Variants in DDHD1 observed in about 807,000 individuals in gnomAD.
DDHD1 encodes phospholipase DDHD1.
In DDHD1, 49 loss-of-function variants were observed where a neutral mutation model predicts 96.4. The observed-to-expected ratio is 0.51, with a 90% CI of 0.40 to 0.64. The LOEUF is 0.64. Among genes scored for constraint, DDHD1 ranks in the 30% least tolerant of loss-of-function variants. The pLI is 0.00. For missense variants in DDHD1, 1,106 were observed against 1,161.2 expected, an observed-to-expected ratio of 0.95 and a Z score of 0.69; for synonymous variants, 442 against 446.5, an observed-to-expected ratio of 0.99 and a Z score of 0.13.
intron 1 of DDHD1, among the ~76,000 whole-genome samples, chr14:53,112,086 T>C (rs971408318): frequency 6.6e-6 from 1 of 152,198 alleles, no homozygotes; most frequent in Non-Finnish European, 1.5e-5. Context: ...GTCAACTTTG[T>C]CTACTGCTAA....
chr14:53,085,312 T>C (rs148003468), intron 4 of DDHD1, among the ~76,000 whole-genome samples: 1 of 152,282 alleles, frequency 6.6e-6, no homozygotes, highest in African/African-American at 2.4e-5. Context: ...AATGGACAGA[T>C]TGCCTCCTCA....
chr14:53,152,113 G>GAGAGAGGCGGTGTAGAT, intron 1 of DDHD1, 148 bp downstream of exon 1: 1 of 833,742 alleles, frequency 1.2e-6, no homozygotes. Flanking sequence ...AGCTGCCGAC[G>GAGAGAGGCGGTGTAGAT]CTCCCTGCTC....
intron 7 of DDHD1, among the ~76,000 whole-genome samples, chr14:53,062,716 AGG>A (rs1470542021): frequency 1.3e-4 from 20 of 152,308 alleles, no homozygotes; most frequent in African/African-American, 4.6e-4. Flanking sequence ...AAACGATGAA[AGG>A]AAAACAAGGA....
chr14:53,153,058 T>C lies in DDHD1; in HGVS notation c.41A>G (p.His14Arg), dbSNP rs758434450. 2.0e-6 allele frequency: 3 copies of C among 1,483,512 alleles called. No homozygotes were observed. In the South Asian group the frequency reaches 4.0e-5, roughly 20 times the overall value. 91.9% of individuals were successfully genotyped at this position (1,483,512 alleles called of 1,614,324 possible). A position where few individuals can be genotyped will look rare whatever the true frequency, so the allele number is the denominator to read the frequency against. ...PGRGSPRSPE[H>R]NGRGGGGGAW... The stretch of plus-strand genomic sequence containing the variant: ...GCCGCCGCCGCCGCCTCGGCCGTTA[T>C]GCTCGGGGCTCCGTGGGGACCCGCG... The change falls in exon 1 of 13, where the codon CAT (histidine) becomes CGT (arginine). Residue 14 changes from histidine to arginine, a missense_variant. Transcript: ENST00000673822.
At chr14:53,104,355 T>C (rs971712302) in intron 1 of DDHD1, among the ~76,000 whole-genome samples, 3 of 152,218 alleles carry the variant, frequency 2.0e-5, no homozygotes, top group East Asian at 1.9e-4. Flanking sequence ...ACTAGAAAGA[T>C]AGATGAGCAG....
intron 2 of DDHD1, among the ~76,000 whole-genome samples, chr14:53,099,570 G>A (rs1177346862): frequency 1.3e-5 from 2 of 152,160 alleles, no homozygotes; most frequent in African/African-American, 2.4e-5. Flanking sequence ...GTGATGTGCT[G>A]CACTTACCCA....
At chr14:53,109,012 T>C (rs1887906494) in intron 1 of DDHD1, among the ~76,000 whole-genome samples, 2 of 152,128 alleles carry the variant, frequency 1.3e-5, no homozygotes, top group Non-Finnish European at 2.9e-5. Flanking sequence ...GAGCATAGGG[T>C]TCTTGGGTTC....
chr14:53,120,584 T>G (rs1273316373), intron 1 of DDHD1, among the ~76,000 whole-genome samples: 1 of 152,164 alleles, frequency 6.6e-6, no homozygotes, highest in East Asian at 1.9e-4. Flanking sequence ...AGCATGGTAC[T>G]AGTACCAAAA....
At chr14:53,060,068 C>T (rs535130410) in intron 8 of DDHD1, among the ~76,000 whole-genome samples, 98 of 151,810 alleles carry the variant, frequency 6.5e-4, no homozygotes, top group Middle Eastern at 3.4e-3. Flanking sequence ...AAACTCTTAA[C>T]GTTTTAAAGA....
chr14:53,036,949 C>G lies in DDHD1; in HGVS notation c.*9819G>C, dbSNP rs1881305075. On this transcript the variant is annotated 3_prime_UTR_variant, in exon 13 of 13. Transcript: ENST00000673822. ...TTCTGCCCTCCTCACCCACAGTGTT[C>G]CAGTCTGCAGTGTCTGTTGTTCCCA... 1.3e-5 allele frequency: 2 copies of G among 152,092 alleles called. No homozygotes were observed. 9.4% of individuals were successfully genotyped at this position (152,092 alleles called of 1,614,324 possible).
intron 1 of DDHD1, among the ~76,000 whole-genome samples, chr14:53,128,892 C>T (rs1889659517): frequency 6.6e-6 from 1 of 152,182 alleles, no homozygotes; most frequent in Non-Finnish European, 1.5e-5. Flanking sequence ...GATCAACTGA[C>T]CTTATGACAA....
intron 7 of DDHD1, among the ~76,000 whole-genome samples, chr14:53,061,933 C>G (rs1385114121): frequency 6.8e-6 from 1 of 146,520 alleles, no homozygotes; most frequent in Admixed American, 7.2e-5. Context: ...ACTGGGGAGA[C>G]AGGGGCAGGA....
At chr14:53,100,914 T>C (rs935239521) in intron 2 of DDHD1, among the ~76,000 whole-genome samples, 1 of 152,244 alleles carries the variant, frequency 6.6e-6, no homozygotes, top group African/African-American at 2.4e-5. Context: ...TCTACTACTA[T>C]GTCTTCTTGT....
In DDHD1 at chr14:53,152,635, T is replaced by TGCCGGGCC. The variant is rs781505420; in HGVS notation, c.456_463dup (p.His155ArgfsTer8). The TGCCGGGCC allele has an allele frequency of 4.3e-6, 7 of 1,613,182 alleles. No homozygotes were observed. Among genetic ancestry groups the TGCCGGGCC allele is most frequent in the East Asian group, 2.2e-5 (1 of 44,852 alleles). On this transcript the variant is annotated frameshift_variant, in exon 1 of 13. Transcript: ENST00000673822. LOFTEE classifies it high-confidence loss of function. The stretch of plus-strand genomic sequence containing the variant: ...CAGCTCCGTCACTACCTCATAGCGG[T>TGCCGGGCC]GCCGGGCCGCCGGGCCGCCAAGCCG...
intron 3 of DDHD1, 116 bp downstream of exon 3, chr14:53,093,200 C>T (rs1886582454): frequency 9.2e-7 from 1 of 1,085,440 alleles, no homozygotes; most frequent in African/African-American, 1.6e-5. Context: ...GAATCTGTCA[C>T]TAAATTTAAT....
At chr14:53,067,299 C>T (rs1884111674) in intron 6 of DDHD1, among the ~76,000 whole-genome samples, 1 of 151,612 alleles carries the variant, frequency 6.6e-6, no homozygotes, top group Non-Finnish European at 1.5e-5. Flanking sequence ...GCTGGGACTA[C>T]AGGTGCCTGT....
intron 1 of DDHD1, among the ~76,000 whole-genome samples, chr14:53,128,890 G>A (rs577144234): frequency 2.4e-4 from 37 of 152,198 alleles, no homozygotes; most frequent in African/African-American, 8.9e-4. Flanking sequence ...CTGATCAACT[G>A]ACCTTATGAC....
chr14:53,132,320 C>T (rs1889926166), intron 1 of DDHD1, among the ~76,000 whole-genome samples: 1 of 152,106 alleles, frequency 6.6e-6, no homozygotes, highest in Admixed American at 6.5e-5. Context: ...TTCCTGATAC[C>T]ACACATGACC....
rs561354979 is a variant in DDHD1 at position 53,120,746 on chromosome 14, T to G, written c.839-16890A>C. 3.3e-5 allele frequency among the ~76,000 whole-genome samples: 5 copies of G among 152,306 alleles called. No homozygotes were observed. In the East Asian group the frequency reaches 9.6e-4, roughly 29 times the overall value. ...GTGCTGGGAAAACTGGCTAGTTATA[T>G]GCAGAAAACAGAAACTAGACCCTTT... On this transcript the variant is annotated intron_variant, in intron 1 of 12. Coordinates refer to ENST00000673822, the MANE Select transcript of DDHD1 (RefSeq NM_001160148.2).
Sources: allele counts gnomAD v4.1 joint callset (sites outside exome capture counted in the v4.1 genomes callset), GRCh38; gene constraint gnomAD v4.1.1; transcripts MANE v1.5; gene names NCBI Gene and HGNC (gene_info 2026-07-23, HGNC 2026-07-21).